Variants in ZNF267 observed in about 807,000 individuals in gnomAD.
ZNF267 encodes the protein zinc finger (C2H2).
A neutral mutation model predicts 71.6 loss-of-function variants in ZNF267; 61 were observed. The ratio of observed to expected loss-of-function variants is 0.85; its 90% CI spans 0.69 to 1.05. The LOEUF (loss-of-function observed/expected upper bound fraction) is 1.05. Among genes scored for constraint, ZNF267 ranks in the 50% least tolerant of loss-of-function variants. The pLI is 0.00. For synonymous variants in ZNF267, 288 were observed against 293.2 expected (o/e 0.98, Z 0.18); for missense variants, 852 against 870.0 (o/e 0.98, Z 0.26).
At chr16:31,899,824 T>C (rs2084025162) in intron 3 of ZNF267, among the ~76,000 whole-genome samples, 1 of 152,208 alleles carries the variant, frequency 6.6e-6, no homozygotes, top group Non-Finnish European at 1.5e-5. Flanking sequence ...TTTATAAGCA[T>C]ATTATAAATG....
Position 31,880,213 on chromosome 16 carries a change from G to T in ZNF267, c.4-4285G>T, listed in dbSNP as rs2083880121. ...TGGACTTTGTAAAGCCCTACTTTTG[G>T]AGTGAGGCCCTCAGAGTTTTCAAGA... On this transcript the variant is annotated intron_variant, in intron 1 of 3. Transcript: ENST00000300870. Among the ~76,000 whole-genome samples the T allele has an allele frequency of 9.8e-5, 15 of 152,292 alleles. No homozygotes were observed. In the South Asian group the frequency reaches 3.1e-3, roughly 32 times the overall value.
intron 3 of ZNF267, among the ~76,000 whole-genome samples, chr16:31,893,116 G>C (rs1442061734): frequency 6.6e-6 from 1 of 152,222 alleles, no homozygotes; most frequent in Non-Finnish European, 1.5e-5. Context: ...CTAAACGGGG[G>C]TTCCCAAACC....
chr16:31,906,379 A>G (rs996940232), intron 3 of ZNF267, among the ~76,000 whole-genome samples: 3 of 152,142 alleles, frequency 2.0e-5, no homozygotes, highest in African/African-American at 7.2e-5. Context: ...CCAGAGGTGG[A>G]GTCTACGGAG....
chr16:31,916,486 G>A lies in ZNF267; in HGVS notation c.*5G>A. On this transcript the variant is annotated 3_prime_UTR_variant, in exon 4 of 4. Coordinates refer to ENST00000300870, the MANE Select transcript of ZNF267 (RefSeq NM_003414.6). ...CATACTAGAGAAAAACTTTAAAAAT[G>A]TAAAACATGGAGCAGATTTTTTACT... 6.2e-7 allele frequency: 1 copy of A among 1,601,932 alleles called. No individual in the cohort carries two copies. Among genetic ancestry groups the A allele is most frequent in the East Asian group, 2.2e-5 (1 of 44,782 alleles).
In ZNF267 at chr16:31,873,919, A is replaced by G; in HGVS notation, c.-48A>G. On this transcript the variant is annotated 5_prime_UTR_variant, in exon 1 of 4. Coordinates refer to ENST00000300870, the MANE Select transcript of ZNF267 (RefSeq NM_003414.6). Reference sequence around the variant, plus strand: ...CTCTGTTGCTCTGCGACTTGCAGGCACTGGGAGATTCGTAGCTAAGACGCC... The same window carrying G: ...CTCTGTTGCTCTGCGACTTGCAGGCGCTGGGAGATTCGTAGCTAAGACGCC... 1 of 1,613,466 alleles carries G rather than the reference A, an allele frequency of 6.2e-7. No individual in the cohort carries two copies. The highest frequency in any genetic ancestry group is 8.5e-7 in the Non-Finnish European group (1 of 1,179,530).
At chr16:31,891,564 A>C (rs573582593) in intron 3 of ZNF267, among the ~76,000 whole-genome samples, 1 of 152,304 alleles carries the variant, frequency 6.6e-6, no homozygotes, top group African/African-American at 2.4e-5. Context: ...GAGGTAATTG[A>C]ATGATGGGGC....
chr16:31,900,636 G>A (rs774948237), intron 3 of ZNF267, among the ~76,000 whole-genome samples: 1 of 151,758 alleles, frequency 6.6e-6, no homozygotes, highest in Non-Finnish European at 1.5e-5. Context: ...AGTAGAGATG[G>A]GGTTTCACTG....
At chr16:31,885,308 A>G (rs1382709717) in intron 3 of ZNF267, 52 bp downstream of exon 3, 2 of 1,505,192 alleles carry the variant, frequency 1.3e-6, no homozygotes, top group African/African-American at 1.4e-5. Context: ...CCAGAAGTCA[A>G]GAAAGAACCA....
At chr16:31,896,109 T>C (rs1338543122) in intron 3 of ZNF267, among the ~76,000 whole-genome samples, 1 of 152,154 alleles carries the variant, frequency 6.6e-6, no homozygotes, top group Non-Finnish European at 1.5e-5. Flanking sequence ...TTTCCTGGGC[T>C]CAAGTGATGC....
intron 3 of ZNF267, among the ~76,000 whole-genome samples, chr16:31,909,064 C>CGTGTGTGT (rs58278411): frequency 2.2e-4 from 30 of 138,464 alleles, no homozygotes; most frequent in African/African-American, 6.6e-4. Context: ...GGATATTTTT[C>CGTGTGTGT]GTGTGTGTGT....
intron 1 of ZNF267, among the ~76,000 whole-genome samples, chr16:31,882,153 A>G (rs2083895039): frequency 6.6e-6 from 1 of 152,182 alleles, no homozygotes; most frequent in Non-Finnish European, 1.5e-5. Flanking sequence ...AACTCACACC[A>G]TGTGATGTTC....
Position 31,917,353 on chromosome 16 carries a change from C to T in ZNF267, c.*872C>T, listed in dbSNP as rs1596634253. 2 of 141,738 alleles carry T rather than the reference C, an allele frequency of 1.4e-5. No individual in the cohort carries two copies. Among genetic ancestry groups the T allele is most frequent in the Non-Finnish European group, 3.1e-5 (2 of 64,764 alleles). The allele number at this position is 141,738 out of a possible 1,614,324, so 8.8% of individuals were successfully genotyped here. On this transcript the variant is annotated 3_prime_UTR_variant, in exon 4 of 4. Coordinates refer to ENST00000300870, the MANE Select transcript of ZNF267 (RefSeq NM_003414.6). ...TCTATATTAAAGTAAGAGGGATATT[C>T]TGAATTTTTGAAATTACTTCAATTC...
chr16:31,907,065 T>C (rs946375448), intron 3 of ZNF267, among the ~76,000 whole-genome samples: 2 of 152,190 alleles, frequency 1.3e-5, no homozygotes, highest in African/African-American at 2.4e-5. Flanking sequence ...TGCTGAGACA[T>C]CTGTTGATCA....
intron 2 of ZNF267, 38 bp from the exon 3 acceptor site, chr16:31,885,123 C>A: frequency 1.3e-6 from 2 of 1,504,588 alleles, no homozygotes; most frequent in South Asian, 2.6e-5. Context: ...TAAAAAGAAC[C>A]CTCATTAAGA....
chr16:31,892,994 T>G (rs1323006969), intron 3 of ZNF267, among the ~76,000 whole-genome samples: 2 of 152,226 alleles, frequency 1.3e-5, no homozygotes, highest in Non-Finnish European at 2.9e-5. Context: ...GGACTCTGTG[T>G]GGGGGCTCCA....
At chr16:31,899,416 C>T (rs1428818178) in intron 3 of ZNF267, among the ~76,000 whole-genome samples, 1 of 152,156 alleles carries the variant, frequency 6.6e-6, no homozygotes, top group Non-Finnish European at 1.5e-5. Context: ...ACTGAACAAC[C>T]TGCTCCTGAA....
chr16:31,900,245 T>G (rs1009125391), intron 3 of ZNF267, among the ~76,000 whole-genome samples: 1 of 152,144 alleles, frequency 6.6e-6, no homozygotes, highest in African/African-American at 2.4e-5. Context: ...GTATTCTATA[T>G]ACTATTATTA....
chr16:31,905,858 C>G (rs1465539637), intron 3 of ZNF267, among the ~76,000 whole-genome samples: 1 of 152,182 alleles, frequency 6.6e-6, no homozygotes, highest in Non-Finnish European at 1.5e-5. Flanking sequence ...GGAGGAGAGG[C>G]ACTCTGATTT....
intron 3 of ZNF267, among the ~76,000 whole-genome samples, chr16:31,904,972 G>T (rs1033854959): frequency 7.2e-5 from 11 of 152,280 alleles, no homozygotes; most frequent in African/African-American, 2.4e-4. Context: ...CTCTTGTAGG[G>T]CAGGCCTGGT....
Sources: gnomAD v4.1 joint callset for allele counts (sites outside exome capture counted in the v4.1 genomes callset) on GRCh38, gnomAD v4.1.1 for gene constraint, MANE v1.5 for transcripts, NCBI Gene and HGNC (gene_info 2026-07-23, HGNC 2026-07-21) for gene names.